Variants in GTF3C5 observed in about 807,000 individuals in gnomAD.
GTF3C5 encodes general transcription factor 3C polypeptide 5.
Under a neutral mutation model 61.0 loss-of-function variants are expected in GTF3C5, and 47 were observed. That is an observed-to-expected ratio of 0.77 (90% confidence interval 0.61 to 0.98). GTF3C5 has a LOEUF of 0.98. Among genes scored for constraint, GTF3C5 ranks in the 50% least tolerant of loss-of-function variants. The pLI is 0.00. For synonymous variants in GTF3C5, 295 were observed against 275.4 expected (o/e 1.07, Z -0.71); for missense variants, 659 against 703.3 (o/e 0.94, Z 0.71).
intron 3 of GTF3C5, among the ~76,000 whole-genome samples, chr9:133,045,212 C>T (rs1850164355): frequency 6.6e-6 from 1 of 152,214 alleles, no homozygotes; most frequent in Non-Finnish European, 1.5e-5. Context: ...TTTCACGTCC[C>T]TGTGCAGCAG....
intron 9 of GTF3C5, 45 bp from the exon 10 acceptor site, chr9:133,056,721 G>C (rs1829949325): frequency 1.3e-6 from 2 of 1,536,238 alleles, no homozygotes; most frequent in South Asian, 1.3e-5. Flanking sequence ...TCTTAGCAGA[G>C]ACCCGCCCTG....
intron 1 of GTF3C5, among the ~76,000 whole-genome samples, chr9:133,032,400 G>C (rs376585770): frequency 5.3e-5 from 8 of 152,082 alleles, no homozygotes; most frequent in Admixed American, 1.3e-4. Flanking sequence ...TAGTTTCGGC[G>C]GGAAGGGCAG....
At position 133,031,045 on chromosome 9, in the gene GTF3C5, GC is replaced by G. The variant is rs950429239; in HGVS notation, c.36del (p.Ala13ProfsTer6). On this transcript the variant is annotated frameshift_variant, in exon 1 of 11. Coordinates refer to ENST00000372097, the MANE Select transcript of GTF3C5 (RefSeq NM_012087.4). LOFTEE classifies it high-confidence loss of function. ...AAEAADLGLGAAVPVELRRER... is the reference protein window; with the variant it reads ...AAEAADLGLGXAVPVELRRER... Reference sequence around the variant, plus strand: ...GGAGGCGGCCGATTTGGGGCTGGGGGCCGCCGTCCCCGTGGAGCTGAGGCGG... The same window carrying G: ...GGAGGCGGCCGATTTGGGGCTGGGGGCGCCGTCCCCGTGGAGCTGAGGCGG... 9 of 1,612,028 alleles carry G rather than the reference GC, an allele frequency of 5.6e-6. No individual in the cohort carries two copies. The Admixed American group carries it at 1.2e-4, about 21-fold the overall frequency.
chr9:133,043,623 C>T, intron 2 of GTF3C5, 105 bp from the exon 3 acceptor site: 1 of 883,668 alleles, frequency 1.1e-6, no homozygotes, highest in Non-Finnish European at 1.8e-6. Flanking sequence ...GCAGCCTCCA[C>T]CACATGGCCC....
intron 1 of GTF3C5, among the ~76,000 whole-genome samples, chr9:133,035,581 A>G (rs1849840730): frequency 6.6e-6 from 1 of 152,114 alleles, no homozygotes; most frequent in African/African-American, 2.4e-5. Flanking sequence ...GTCTGGTAAC[A>G]CCCATTTCCC....
At chr9:133,036,050 C>A (rs974272497) in intron 1 of GTF3C5, among the ~76,000 whole-genome samples, 1 of 152,180 alleles carries the variant, frequency 6.6e-6, no homozygotes, top group Non-Finnish European at 1.5e-5. Context: ...GCCTTCCTGA[C>A]CCTCCTTCTG....
intron 1 of GTF3C5, 120 bp from the exon 2 acceptor site, chr9:133,041,967 A>G: frequency 1.5e-6 from 1 of 673,494 alleles, no homozygotes; most frequent in Admixed American, 2.9e-5. Flanking sequence ...GCCCAGAATG[A>G]AACATGAGCC....
intron 5 of GTF3C5, among the ~76,000 whole-genome samples, chr9:133,052,627 A>T (rs921298595): frequency 6.6e-6 from 1 of 151,966 alleles, no homozygotes; most frequent in Non-Finnish European, 1.5e-5. Flanking sequence ...ACATGTCATT[A>T]CTGAGGTTCC....
At chr9:133,048,564 GGGGCTGAGGCAGGAGA>G (rs1345719660) in intron 3 of GTF3C5, among the ~76,000 whole-genome samples, 2 of 152,192 alleles carry the variant, frequency 1.3e-5, no homozygotes, top group Non-Finnish European at 2.9e-5. Flanking sequence ...AGCTACTTGG[GGGGCTGAGGCAGGAGA>G]ATCGCTTGAA....
intron 3 of GTF3C5, among the ~76,000 whole-genome samples, chr9:133,046,902 CAG>C (rs1850225173): frequency 6.6e-6 from 1 of 152,088 alleles, no homozygotes; most frequent in African/African-American, 2.4e-5. Context: ...GCAGGTGAGC[CAG>C]AGAATGGGGG....
intron 1 of GTF3C5, among the ~76,000 whole-genome samples, chr9:133,037,461 G>C (rs1331891054): frequency 1.3e-5 from 2 of 152,128 alleles, no homozygotes; most frequent in African/African-American, 2.4e-5. Context: ...CCTTCTAAGG[G>C]GATGGGATAT....
Position 133,042,418 on chromosome 9 carries a change from A to C in GTF3C5, c.373+112A>C, listed in dbSNP as rs1850065989. ...CAGTGGAGGGGGCCAGGATATGCCC[A>C]GGGGCTGTGGGGACACAGCAGGGCA... is the stretch of plus-strand genomic sequence containing the variant. On this transcript the variant is annotated intron_variant, in intron 2 of 10. Coordinates refer to ENST00000372097, the MANE Select transcript of GTF3C5 (RefSeq NM_012087.4). The C allele has an allele frequency of 4.0e-6, 3 of 750,886 alleles. No individual in the cohort carries two copies. The African/African-American group carries it at 5.1e-5, about 13-fold the overall frequency. The allele number at this position is 750,886 out of a possible 1,614,324, so 46.5% of individuals were successfully genotyped here. A position where few individuals can be genotyped will look rare whatever the true frequency, so the allele number is the denominator to read the frequency against.
Position 133,042,080 on chromosome 9 carries a change from G to C in GTF3C5, c.154-7G>C. 2.5e-6 allele frequency: 4 copies of C among 1,609,080 alleles called. No individual in the cohort carries two copies. Among genetic ancestry groups the C allele is most frequent in the Non-Finnish European group, 3.4e-6 (4 of 1,176,520 alleles). ...GCTTCACTCTGTCTCCTTTGGCCTT[G>C]CCACAGATCTACGCAGACCCCACCA... On this transcript the variant is annotated splice_polypyrimidine_tract_variant and splice_region_variant and intron_variant, in intron 1 of 10. Transcript: ENST00000372097.
chr9:133,051,764 G>A (rs935026124), intron 4 of GTF3C5, among the ~76,000 whole-genome samples: 7 of 152,156 alleles, frequency 4.6e-5, no homozygotes, highest in South Asian at 2.1e-4. Flanking sequence ...CCCCTGAGCC[G>A]TACTCCCCAC....
intron 2 of GTF3C5, among the ~76,000 whole-genome samples, chr9:133,042,958 C>A (rs759973721): frequency 1.3e-5 from 2 of 152,184 alleles, no homozygotes; most frequent in Non-Finnish European, 2.9e-5. Context: ...TTCCGGGAGG[C>A]AATGCTTGTG....
At chr9:133,040,658 A>G (rs574298529) in intron 1 of GTF3C5, among the ~76,000 whole-genome samples, 1 of 152,216 alleles carries the variant, frequency 6.6e-6, no homozygotes, top group South Asian at 2.1e-4. Context: ...TCTCATTTGG[A>G]CCTCGAAACA....
chr9:133,042,926 G>A (rs966283325), intron 2 of GTF3C5, among the ~76,000 whole-genome samples: 8 of 152,308 alleles, frequency 5.3e-5, no homozygotes, highest in South Asian at 2.1e-4. Context: ...CAGAGCCTGC[G>A]TTCCTTAGGC....
chr9:133,056,376 A>G (rs545641199), intron 9 of GTF3C5, among the ~76,000 whole-genome samples: 15 of 152,316 alleles, frequency 9.8e-5, no homozygotes, highest in Admixed American at 5.9e-4. Flanking sequence ...GTGGTTCTCA[A>G]TCCCAGGACC....
At chr9:133,042,357 C>T (rs8193016) in intron 2 of GTF3C5, 51 bp downstream of exon 2, 40,079 of 1,242,368 alleles carry the variant, frequency 0.032, 858 homozygotes, top group East Asian at 0.083. Context: ...GCTGGCCATC[C>T]TAGCTGCCTG....
Sources: allele counts gnomAD v4.1 joint callset (sites outside exome capture counted in the v4.1 genomes callset), GRCh38; gene constraint gnomAD v4.1.1; transcripts MANE v1.5; gene names NCBI Gene and HGNC (gene_info 2026-07-23, HGNC 2026-07-21).